BCORL1: variants seen among roughly 807,000 people sequenced by gnomAD.
BCORL1 encodes the protein BCL6 corepressor like 1.
A neutral mutation model predicts 87.6 loss-of-function variants in BCORL1; 7 were observed. The ratio of observed to expected loss-of-function variants is 0.08; its 90% CI spans 0.05 to 0.15. The LOEUF (loss-of-function observed/expected upper bound fraction) is 0.15, where lower values mean the gene tolerates loss of function less well. Ranked by LOEUF, BCORL1 falls within the 10% of genes least tolerant of loss-of-function variation. The pLI, the probability that BCORL1 is intolerant of heterozygous loss-of-function variation, is 1.00. For missense variants in BCORL1, 1,215 were observed against 1,499.7 expected (o/e 0.81, Z 3.13); for synonymous variants, 591 against 634.4 (o/e 0.93, Z 1.03).
chrX:130,039,038 G>T (rs192137283), intron 10 of BCORL1, 99 bp from the exon 11 acceptor site: 2 of 977,112 alleles, frequency 2.0e-6, no homozygotes, highest in Admixed American at 5.1e-5. Flanking sequence ...GGTTACCTGG[G>T]GGTCAGCTCA....
intron 1 of BCORL1, among the ~76,000 whole-genome samples, chrX:129,986,178 G>T (rs987605411): frequency 6.3e-5 from 7 of 111,997 alleles, no homozygotes; most frequent in African/African-American, 2.3e-4. Flanking sequence ...CTGAGTTCAG[G>T]AGGATTTTTA....
intron 4 of BCORL1, among the ~76,000 whole-genome samples, chrX:130,019,935 G>C (rs901278865): frequency 8.9e-6 from 1 of 112,455 alleles, no homozygotes; most frequent in Admixed American, 9.4e-5. Flanking sequence ...GTGAGAATAC[G>C]TGACTGTTAG....
intron 1 of BCORL1, among the ~76,000 whole-genome samples, chrX:129,991,572 G>A (rs1352253488): frequency 1.0e-4 from 11 of 107,749 alleles, no homozygotes; most frequent in African/African-American, 3.4e-4. Context: ...AAACTCCTGA[G>A]CTCCAGCATT....
chrX:130,005,108 T>C, intron 1 of BCORL1, 80 bp from the exon 2 acceptor site: 2 of 558,817 alleles, frequency 3.6e-6, no homozygotes, highest in South Asian at 8.8e-5. Flanking sequence ...ATTACCTTTA[T>C]TGAAACATTG....
At chrX:130,022,362 C>G (rs930047054) in intron 5 of BCORL1, among the ~76,000 whole-genome samples, 3 of 105,149 alleles carry the variant, frequency 2.9e-5, no homozygotes, top group African/African-American at 1.0e-4. Flanking sequence ...ATTCTCCTTC[C>G]TCAGCCTCCC....
At chrX:130,050,115 A>C (rs1274336930) in intron 11 of BCORL1, among the ~76,000 whole-genome samples, 1 of 110,622 alleles carries the variant, frequency 9.0e-6, no homozygotes, top group Non-Finnish European at 1.9e-5. Flanking sequence ...TGGATTTTTA[A>C]GTGAAATTGC....
intron 1 of BCORL1, among the ~76,000 whole-genome samples, chrX:129,993,028 A>T (rs934475939): frequency 8.9e-6 from 1 of 111,934 alleles, no homozygotes; most frequent in Non-Finnish European, 1.9e-5. Context: ...AAACACACTA[A>T]ATATTTATAT....
At chrX:129,989,444 CTTTTTTTTT>C (rs55654985) in intron 1 of BCORL1, among the ~76,000 whole-genome samples, 1 of 17,757 alleles carries the variant, frequency 5.6e-5, no homozygotes, top group Non-Finnish European at 9.6e-5. Flanking sequence ...CCGCACCCGT[CTTTTTTTTT>C]TTTTTTTTTT....
intron 11 of BCORL1, among the ~76,000 whole-genome samples, chrX:130,045,986 A>G (rs1270098802): frequency 3.6e-5 from 4 of 111,447 alleles, no homozygotes; most frequent in Non-Finnish European, 7.5e-5. Context: ...TAACAATTTA[A>G]AAGGAAATAA....
intron 5 of BCORL1, 118 bp downstream of exon 5, chrX:130,021,268 C>T (rs1812754388): frequency 9.3e-7 from 1 of 1,080,228 alleles, no homozygotes; most frequent in Non-Finnish European, 1.2e-6. Flanking sequence ...GAGACTTCTT[C>T]ACTGTGGAAA....
intron 9 of BCORL1, among the ~76,000 whole-genome samples, chrX:130,036,418 A>T (rs144045759): frequency 1.7e-4 from 19 of 111,017 alleles, no homozygotes; most frequent in African/African-American, 6.2e-4. Context: ...CTGCCATCAC[A>T]CTGGGCTAAT....
At chrX:129,984,053 G>T (rs1268224341) in intron 1 of BCORL1, among the ~76,000 whole-genome samples, 1 of 100,814 alleles carries the variant, frequency 9.9e-6, no homozygotes, top group Non-Finnish European at 2.0e-5. Flanking sequence ...GATCGCGGCC[G>T]GGGAGTGGGA....
At chrX:130,003,728 G>C (rs1034377168) in intron 1 of BCORL1, among the ~76,000 whole-genome samples, 1 of 111,756 alleles carries the variant, frequency 8.9e-6, no homozygotes, top group Non-Finnish European at 1.9e-5. Context: ...CTATGACATA[G>C]AAGTATTCAA....
chrX:129,985,083 A>G (rs1272248674), intron 1 of BCORL1, among the ~76,000 whole-genome samples: 2 of 111,390 alleles, frequency 1.8e-5, no homozygotes, highest in East Asian at 2.8e-4. Flanking sequence ...AATTGCAAAA[A>G]TCTTCAGTAA....
chrX:130,033,051 C>T (rs1302551965), intron 8 of BCORL1, among the ~76,000 whole-genome samples: 1 of 108,533 alleles, frequency 9.2e-6, no homozygotes, highest in Non-Finnish European at 1.9e-5. Flanking sequence ...GTGTGAGCCA[C>T]CATGCCCGGC....
At position 130,015,675 on chromosome X, in the gene BCORL1, C is replaced by A. The variant is rs1057522774; in HGVS notation, c.2903C>A (p.Pro968His). 1 of 1,211,833 alleles carries A rather than the reference C, an allele frequency of 8.3e-7. No individual in the cohort carries two copies. The highest frequency in any genetic ancestry group is 1.1e-6 in the Non-Finnish European group (1 of 895,538). The change falls in exon 4 of 14, where the codon CCC becomes CAC. Residue 968 changes from proline (P) to histidine (H), a missense_variant. Physicochemically the swap from Pro to His is moderately conservative, Grantham distance 77. Transcript: ENST00000540052. ...GACAGCACTCCTAAGATGGAAGGCC[C>A]CCAGGGGGCTTGTGGCCTGAAGCTG... ...CSDSTPKMEG[P>H]QGACGLKLAG...
chrX:130,036,539 G>C (rs1218737962), intron 9 of BCORL1, among the ~76,000 whole-genome samples: 1 of 112,749 alleles, frequency 8.9e-6, no homozygotes, highest in African/African-American at 3.2e-5. Flanking sequence ...GGGATTACAG[G>C]CGTGAGCCAC....
chrX:130,008,543 G>T (rs1201876412), intron 2 of BCORL1, among the ~76,000 whole-genome samples: 1 of 111,587 alleles, frequency 9.0e-6, no homozygotes, highest in East Asian at 2.8e-4. Context: ...GATTACAGAT[G>T]TGAGCCACCA....
At chrX:129,990,190 T>C (rs7892828) in intron 1 of BCORL1, among the ~76,000 whole-genome samples, 3,945 of 112,037 alleles carry the variant, frequency 0.035, 158 homozygotes, top group African/African-American at 0.12. Flanking sequence ...AGGCCCATAG[T>C]AGGTGCTCAA....
Sources: allele counts gnomAD v4.1 joint callset (sites outside exome capture counted in the v4.1 genomes callset), GRCh38; gene constraint gnomAD v4.1.1; transcripts MANE v1.5; gene names NCBI Gene and HGNC (gene_info 2026-07-23, HGNC 2026-07-21).